Variants in CSMD3 observed in about 807,000 individuals in gnomAD.
CSMD3 encodes the protein CUB and sushi domain-containing protein 3.
Under a neutral mutation model 435.2 loss-of-function variants are expected in CSMD3, and 177 were observed. The ratio of observed to expected loss-of-function variants is 0.41; its 90% CI spans 0.36 to 0.46. CSMD3 has a LOEUF of 0.46. CSMD3 is among the 20% of genes least tolerant of loss of function. The probability of loss-of-function intolerance (pLI) is 0.34; values close to 1 mark genes in which losing one functional copy is unlikely to be tolerated. For synonymous variants in CSMD3, 1,656 were observed against 1,520.5 expected, an observed-to-expected ratio of 1.09 and a Z score of -2.07; for missense variants, 4,265 against 4,504.6, an observed-to-expected ratio of 0.95 and a Z score of 1.52.
chr8:112,977,904 T>G (rs1018409339), intron 6 of CSMD3, among the ~76,000 whole-genome samples: 1 of 152,008 alleles, frequency 6.6e-6, no homozygotes, highest in Non-Finnish European at 1.5e-5. Context: ...TTTAACCACA[T>G]GGTTAAGCAA....
chr8:113,112,147 C>T (rs1383204838), intron 4 of CSMD3, among the ~76,000 whole-genome samples: 2 of 151,672 alleles, frequency 1.3e-5, no homozygotes, highest in Non-Finnish European at 2.9e-5. Flanking sequence ...CATTTTTTCG[C>T]TCAGCTGGAG....
At chr8:112,776,217 T>A (rs978360513) in intron 13 of CSMD3, among the ~76,000 whole-genome samples, 2 of 151,896 alleles carry the variant, frequency 1.3e-5, no homozygotes, top group African/African-American at 4.8e-5. Context: ...TAATTTACAT[T>A]GTGAAAGGAA....
intron 10 of CSMD3, among the ~76,000 whole-genome samples, chr8:112,904,313 T>C (rs2082193967): frequency 6.6e-6 from 1 of 151,492 alleles, no homozygotes; most frequent in Admixed American, 6.6e-5. Context: ...TGTTAGATAA[T>C]ACATTTTATA....
intron 1 of CSMD3, chr8:113,376,729 G>A (rs1425740445): frequency 6.2e-7 from 1 of 1,613,756 alleles, no homozygotes; most frequent in Non-Finnish European, 8.5e-7. Context: ...TAAGAGCCAG[G>A]ATATCTACCT....
At chr8:113,322,803 T>C (rs1472708234) in intron 1 of CSMD3, among the ~76,000 whole-genome samples, 1 of 152,156 alleles carries the variant, frequency 6.6e-6, no homozygotes, top group East Asian at 1.9e-4. Flanking sequence ...TGGAGTGCAG[T>C]GGTGTGATCT....
chr8:113,431,700 C>T (rs72673242), intron 1 of CSMD3, among the ~76,000 whole-genome samples: 1 of 151,332 alleles, frequency 6.6e-6, no homozygotes, highest in East Asian at 2.0e-4. Context: ...CTTAGAAAAG[C>T]GTTTTAAGGT....
At chr8:113,408,724 C>T (rs1403809741) in intron 1 of CSMD3, among the ~76,000 whole-genome samples, 2 of 150,370 alleles carry the variant, frequency 1.3e-5, no homozygotes, top group African/African-American at 4.9e-5. Flanking sequence ...GGGGCGAAAT[C>T]TTGGCTCACT....
At chr8:112,414,029 C>T (rs1246063721) in intron 32 of CSMD3, among the ~76,000 whole-genome samples, 3 of 152,134 alleles carry the variant, frequency 2.0e-5, no homozygotes, top group South Asian at 2.1e-4. Flanking sequence ...CAGAATCCCC[C>T]TCATCCCTGA....
At chr8:112,302,557 C>T (rs1821030886) in intron 52 of CSMD3, among the ~76,000 whole-genome samples, 2 of 152,020 alleles carry the variant, frequency 1.3e-5, no homozygotes, top group Non-Finnish European at 2.9e-5. Context: ...CATATAGCAT[C>T]TCTTATGACT....
chr8:113,134,792 T>C (rs2091372775), intron 4 of CSMD3, among the ~76,000 whole-genome samples: 1 of 151,948 alleles, frequency 6.6e-6, no homozygotes, highest in Non-Finnish European at 1.5e-5. Flanking sequence ...TAAAAAGGGG[T>C]TTATTTAACT....
intron 4 of CSMD3, among the ~76,000 whole-genome samples, chr8:113,140,641 A>C: frequency 6.6e-6 from 1 of 151,232 alleles, no homozygotes; most frequent in East Asian, 1.9e-4. Context: ...GACACTAAAC[A>C]TCACATTTCT....
chr8:113,419,324 G>T (rs1324354497), intron 1 of CSMD3, among the ~76,000 whole-genome samples: 1 of 151,928 alleles, frequency 6.6e-6, no homozygotes, highest in Non-Finnish European at 1.5e-5. Flanking sequence ...CACCATGTCG[G>T]CCAAGCTGGT....
chr8:113,188,705 C>T (rs2092543611), intron 3 of CSMD3, among the ~76,000 whole-genome samples: 1 of 151,910 alleles, frequency 6.6e-6, no homozygotes, highest in African/African-American at 2.4e-5. Flanking sequence ...TAACATTAGA[C>T]AATGAAATAT....
At chr8:112,635,339 A>G (rs1346677856) in intron 22 of CSMD3, among the ~76,000 whole-genome samples, 1 of 152,072 alleles carries the variant, frequency 6.6e-6, no homozygotes, top group Non-Finnish European at 1.5e-5. Flanking sequence ...AGAAAAGTGA[A>G]TTGGCCAAAT....
At chr8:112,874,441 G>C (rs556696509) in intron 10 of CSMD3, among the ~76,000 whole-genome samples, 85 of 152,292 alleles carry the variant, frequency 5.6e-4, no homozygotes, top group Middle Eastern at 6.8e-3. Flanking sequence ...TCAGAGCTGA[G>C]TTCAAGTCCT....
At chr8:112,984,852 T>C (rs1341138645) in intron 6 of CSMD3, among the ~76,000 whole-genome samples, 2 of 152,126 alleles carry the variant, frequency 1.3e-5, no homozygotes, top group African/African-American at 2.4e-5. Context: ...ATGGAGATTT[T>C]TCCTCTTTCT....
chr8:113,039,526 T>C (rs961153744), intron 5 of CSMD3, among the ~76,000 whole-genome samples: 1 of 152,196 alleles, frequency 6.6e-6, no homozygotes, highest in Non-Finnish European at 1.5e-5. Context: ...ACATTAATTA[T>C]GGGATTGTCC....
chr8:112,887,630 T>C (rs1377263283), intron 10 of CSMD3, among the ~76,000 whole-genome samples: 1 of 151,578 alleles, frequency 6.6e-6, no homozygotes, highest in East Asian at 2.0e-4. Context: ...TTTTTTCACA[T>C]TTTCTGTGTA....
chr8:112,360,245 C>T (rs1827056813), intron 38 of CSMD3, among the ~76,000 whole-genome samples: 1 of 151,872 alleles, frequency 6.6e-6, no homozygotes, highest in South Asian at 2.1e-4. Context: ...ATTTCTCTTC[C>T]TTTCTAATCA....
Sources: gnomAD v4.1 joint callset for allele counts (sites outside exome capture counted in the v4.1 genomes callset) on GRCh38, gnomAD v4.1.1 for gene constraint, MANE v1.5 for transcripts, NCBI Gene and HGNC (gene_info 2026-07-23, HGNC 2026-07-21) for gene names.